Variants in ZFAND1 observed in about 807,000 individuals in gnomAD.
The protein encoded by ZFAND1 is zinc finger AN1-type containing 1, also known as AN1-type zinc finger protein 1.
ZFAND1 carries 40 observed loss-of-function variants against 38.5 expected under a neutral mutation model. That is an observed-to-expected ratio of 1.04 (90% CI 0.81 to 1.35). The LOEUF is 1.35. Ranked by LOEUF, ZFAND1 falls within the 40% of genes most tolerant of loss-of-function variation. The pLI is 0.00. For synonymous variants in ZFAND1, 117 were observed against 103.6 expected, an observed-to-expected ratio of 1.13 and a Z score of -0.78; for missense variants, 346 against 316.3, an observed-to-expected ratio of 1.09 and a Z score of -0.71.
intron 1 of ZFAND1, among the ~76,000 whole-genome samples, chr8:81,719,254 A>G (rs1229162385): frequency 1.3e-5 from 2 of 151,306 alleles, no homozygotes; most frequent in Non-Finnish European, 2.9e-5. Context: ...GGATCACCTG[A>G]GGTCAAGAGT....
Position 81,702,436 on chromosome 8 carries a change from C to A in ZFAND1, c.*259G>T, listed in dbSNP as rs1240156443. The A allele has an allele frequency of 3.3e-5, 7 of 210,892 alleles. No homozygotes were observed. The highest frequency in any genetic ancestry group is 4.6e-5 in the Non-Finnish European group (5 of 108,000). 13.1% of individuals were successfully genotyped at this position (210,892 alleles called of 1,614,324 possible). Reference sequence around the variant, plus strand: ...TGACATCCCCCACCAGGAAATACATCTTTGTTGTTGTCACTACAGCATAAA... The same window carrying A: ...TGACATCCCCCACCAGGAAATACATATTTGTTGTTGTCACTACAGCATAAA... On this transcript the variant is annotated 3_prime_UTR_variant, in exon 8 of 8. Coordinates refer to ENST00000220669, the MANE Select transcript of ZFAND1 (RefSeq NM_024699.3).
intron 5 of ZFAND1, 96 bp downstream of exon 5, chr8:81,714,708 G>A (rs1006578877): frequency 3.0e-6 from 3 of 990,844 alleles, no homozygotes; most frequent in Non-Finnish European, 4.8e-6. Context: ...ATACCACTGG[G>A]GTTATTAATG....
chr8:81,719,645 C>T (rs560460557), intron 1 of ZFAND1, among the ~76,000 whole-genome samples: 45 of 152,132 alleles, frequency 3.0e-4, no homozygotes, highest in Non-Finnish European at 5.3e-4. Context: ...GTCAAGACAA[C>T]TTCCCAGCAC....
At chr8:81,711,862 T>C (rs1169387382) in intron 6 of ZFAND1, among the ~76,000 whole-genome samples, 2 of 152,170 alleles carry the variant, frequency 1.3e-5, no homozygotes, top group African/African-American at 4.8e-5. Flanking sequence ...TTCAAAATTC[T>C]CCAAGAGTTA....
rs74341804 is a variant in ZFAND1 at position 81,709,051 on chromosome 8, C to T, written c.480+4867G>A. Reference sequence around the variant, plus strand: ...CAAACACACTCTTGGGAATTTATCTCACAGAAAGAAAAGTACCACACAGCC... The same window carrying T: ...CAAACACACTCTTGGGAATTTATCTTACAGAAAGAAAAGTACCACACAGCC... On this transcript the variant is annotated intron_variant, in intron 6 of 7. Transcript: ENST00000220669. Among the ~76,000 whole-genome samples, 1,556 of 152,242 alleles carry T rather than the reference C, an allele frequency of 0.01. 5 individuals carry two copies. The highest frequency in any genetic ancestry group is 0.017 in the Non-Finnish European group (1,171 of 68,010).
At chr8:81,717,457 A>G (rs1252057374) in intron 2 of ZFAND1, among the ~76,000 whole-genome samples, 169 bp from the exon 3 acceptor site, 1 of 152,194 alleles carries the variant, frequency 6.6e-6, no homozygotes, top group Non-Finnish European at 1.5e-5. Context: ...GAGCATCTAT[A>G]GTCTCAAAAG....
rs896052453 is a variant in ZFAND1, at chr8:81,715,093, G to A, written c.160C>T (p.Leu54=). 2.5e-6 allele frequency: 4 copies of A among 1,613,764 alleles called. No homozygotes were observed. In the African/African-American group the frequency reaches 5.3e-5, roughly 22 times the overall value. Reference sequence around the variant, plus strand: ...TAAGATGTATGTTGATCTGTCTTCAGTCTCTCATTGATTACAGTCACCTGA... The same window carrying A: ...TAAGATGTATGTTGATCTGTCTTCAATCTCTCATTGATTACAGTCACCTGA... ...CPEVTVINER[L]KTDQHTSYPC... The change falls in exon 4 of 8, where the codon CTG becomes TTG. Residue 54 remains leucine, a synonymous_variant. Transcript: ENST00000220669.
intron 3 of ZFAND1, 151 bp downstream of exon 3, chr8:81,717,098 A>G (rs1399967613): frequency 9.7e-6 from 5 of 513,314 alleles, no homozygotes; most frequent in Non-Finnish European, 1.3e-5. Flanking sequence ...AAAGAAAAAT[A>G]ATATAAATGA....
intron 6 of ZFAND1, chr8:81,708,879 G>C: frequency 9.9e-7 from 1 of 1,013,612 alleles, no homozygotes; most frequent in Non-Finnish European, 1.3e-6. Context: ...AAGTACTAAA[G>C]ATGATTAAAA....
Position 81,702,787 on chromosome 8 carries a change from C to T in ZFAND1, c.715G>A (p.Asp239Asn). ...HTLETWIAKE[D>N]CPLYNGGNII... ...TTTCCACCATTATATAAAGGACAAT[C>T]CTCCTTAGCAATCCAGGTTTCCAAA... Residue 239 changes from aspartate (D) to asparagine (N), a missense_variant, in exon 8 of 8, where the codon GAT (aspartate) becomes AAT (asparagine). Coordinates refer to ENST00000220669, the MANE Select transcript of ZFAND1 (RefSeq NM_024699.3). 2 of 1,609,272 alleles carry T rather than the reference C, an allele frequency of 1.2e-6. No individual in the cohort carries two copies. The highest frequency in any genetic ancestry group is 8.5e-7 in the Non-Finnish European group (1 of 1,178,004).
At chr8:81,719,009 C>G (rs1808393013) in intron 1 of ZFAND1, among the ~76,000 whole-genome samples, 1 of 151,840 alleles carries the variant, frequency 6.6e-6, no homozygotes, top group South Asian at 2.1e-4. Context: ...TGTGTGTATG[C>G]ATGTGTATCT....
chr8:81,715,030 C>A lies in ZFAND1; in HGVS notation c.223G>T (p.Val75Leu). 6.2e-7 allele frequency: 1 copy of A among 1,614,120 alleles called. No homozygotes were observed. Among genetic ancestry groups the A allele is most frequent in the Non-Finnish European group, 8.5e-7 (1 of 1,179,982 alleles). The change falls in exon 4 of 8, where the codon GTG (valine) becomes TTG (leucine). Residue 75 changes from valine to leucine, a missense_variant. Physicochemically the swap from Val to Leu is conservative, Grantham distance 32 (BLOSUM62 1). Transcript: ENST00000220669. ...SFKDCAEREL[V>L]AVICPYCEKN... The stretch of plus-strand genomic sequence containing the variant: ...TCACAATAAGGACATATAACTGCCA[C>A]AAGTTCTCTCTCAGCACAGTCTTTG...
chr8:81,715,146 A>G, intron 3 of ZFAND1, 32 bp from the exon 4 acceptor site: 1 of 1,609,416 alleles, frequency 6.2e-7, no homozygotes, highest in Non-Finnish European at 8.5e-7. Context: ...AATGTATTAC[A>G]TTTCAGACCT....
In ZFAND1 at chr8:81,702,820, CCAAGGGTA is replaced by C; in HGVS notation, c.674_681del (p.Leu225Ter). 6.2e-7 allele frequency: 1 copy of C among 1,607,976 alleles called. No individual in the cohort carries two copies. The highest frequency in any genetic ancestry group is 1.3e-5 in the African/African-American group (1 of 74,794). On this transcript the variant is annotated frameshift_variant, in exon 8 of 8. Transcript: ENST00000220669. LOFTEE classifies it high-confidence loss of function. ...GCAATCCAGGTTTCCAAAGTATGAT[CCAAGGGTA>C]AGGCTTCTCCTGAAGTAATGTGACA... is the stretch of plus-strand genomic sequence containing the variant.
In ZFAND1 at chr8:81,715,055, G is replaced by C; in HGVS notation, c.198C>G (p.Phe66Leu). Residue 66 changes from phenylalanine to leucine, a missense_variant, in exon 4 of 8, where the codon TTC (phenylalanine) becomes TTG (leucine). Physicochemically the swap from Phe to Leu is conservative, Grantham distance 22 (BLOSUM62 0). Transcript: ENST00000220669. ...CAAGTTCTCTCTCAGCACAGTCTTT[G>C]AAAGAGCATGGGTAAGATGTATGTT... is the stretch of plus-strand genomic sequence containing the variant. ...TDQHTSYPCS[F>L]KDCAERELVA... is the part of the protein sequence containing the mutation. The C allele has an allele frequency of 6.2e-7, 1 of 1,614,062 alleles. No individual in the cohort carries two copies. Among genetic ancestry groups the C allele is most frequent in the Non-Finnish European group, 8.5e-7 (1 of 1,179,972 alleles).
intron 3 of ZFAND1, among the ~76,000 whole-genome samples, chr8:81,716,559 T>C (rs895045511): frequency 1.3e-5 from 2 of 152,144 alleles, no homozygotes; most frequent in African/African-American, 4.8e-5. Flanking sequence ...ACAGATCCTA[T>C]CAGCAGGCAT....
chr8:81,714,464 C>T lies in ZFAND1; in HGVS notation c.358+340G>A, dbSNP rs181630710. 192 of 278,728 alleles carry T rather than the reference C, an allele frequency of 6.9e-4. No individual in the cohort carries two copies. The East Asian group carries it at 0.012, about 17-fold the overall frequency. 17.3% of individuals were successfully genotyped at this position (278,728 alleles called of 1,614,324 possible). ...GGTATCTCTTATTATCAGCAGCATT[C>T]ACAGAACAGCTGACTAGGCTTAGAG... On this transcript the variant is annotated intron_variant, in intron 5 of 7. Coordinates refer to ENST00000220669, the MANE Select transcript of ZFAND1 (RefSeq NM_024699.3).
intron 6 of ZFAND1, 85 bp downstream of exon 6, chr8:81,713,833 T>C: frequency 7.5e-7 from 1 of 1,331,892 alleles, no homozygotes; most frequent in African/African-American, 1.4e-5. Flanking sequence ...TTTAGGTTAG[T>C]TGTTAATTGA....
intron 1 of ZFAND1, among the ~76,000 whole-genome samples, chr8:81,718,593 C>G (rs1481439136): frequency 1.3e-5 from 2 of 151,326 alleles, no homozygotes; most frequent in African/African-American, 2.4e-5. Flanking sequence ...GATTCCACTG[C>G]TTACTAATCT....
Sources: allele counts gnomAD v4.1 joint callset (sites outside exome capture counted in the v4.1 genomes callset), GRCh38; gene constraint gnomAD v4.1.1; transcripts MANE v1.5; gene names NCBI Gene and HGNC (gene_info 2026-07-23, HGNC 2026-07-21).